The following IPO11 variants were observed in gnomAD, a reference collection of about 807,000 sequenced individuals.
IPO11 encodes the protein importin 11.
IPO11 carries 66 observed loss-of-function variants against 143.2 expected under a neutral mutation model. That is an observed-to-expected ratio of 0.46 (90% CI 0.38 to 0.57). The LOEUF (loss-of-function observed/expected upper bound fraction) is 0.57, where lower values mean the gene tolerates loss of function less well. Among genes scored for constraint, IPO11 ranks in the 20% least tolerant of loss-of-function variants. IPO11 has a pLI of 0.00. For synonymous variants in IPO11, 385 were observed against 377.8 expected, an observed-to-expected ratio of 1.02 and a Z score of -0.22; for missense variants, 1,026 against 1,141.0, an observed-to-expected ratio of 0.90 and a Z score of 1.45.
chr5:62,453,278 T>G (rs1241214806), intron 5 of IPO11, among the ~76,000 whole-genome samples: 1 of 151,248 alleles, frequency 6.6e-6, no homozygotes, highest in East Asian at 1.9e-4. Context: ...GCATGTGGTC[T>G]TAAGCAGCTT....
chr5:62,515,559 A>C, intron 20 of IPO11, 58 bp downstream of exon 20: 1 of 1,105,548 alleles, frequency 9.0e-7, no homozygotes, highest in African/African-American at 1.6e-5. Context: ...AATTCTTTTA[A>C]CCATTTAAAA....
chr5:62,499,594 G>A (rs962888912), intron 16 of IPO11, among the ~76,000 whole-genome samples: 3 of 16,776 alleles, frequency 1.8e-4, no homozygotes, highest in Non-Finnish European at 3.9e-4. Context: ...TTTTTTTTTT[G>A]AGACGGAGTC....
At chr5:62,573,034 T>C (rs1744194033) in intron 27 of IPO11, among the ~76,000 whole-genome samples, 1 of 152,010 alleles carries the variant, frequency 6.6e-6, no homozygotes, top group African/African-American at 2.4e-5. Flanking sequence ...GGTAGTATCT[T>C]CTTGGGGTGT....
intron 1 of IPO11, among the ~76,000 whole-genome samples, chr5:62,426,961 G>A (rs1218465560): frequency 9.3e-6 from 1 of 107,478 alleles, no homozygotes; most frequent in African/African-American, 3.3e-5. Context: ...TTTTGATACG[G>A]AGTTTTGCTC....
chr5:62,446,953 C>T (rs935047195), intron 3 of IPO11, among the ~76,000 whole-genome samples: 5 of 149,864 alleles, frequency 3.3e-5, no homozygotes, highest in African/African-American at 2.5e-5. Context: ...GGCAACAGAG[C>T]GAGACTCTGA....
At chr5:62,474,349 T>G in intron 7 of IPO11, 67 bp from the exon 8 acceptor site, 1 of 1,000,034 alleles carries the variant, frequency 1.0e-6, no homozygotes, top group Non-Finnish European at 1.5e-6. Flanking sequence ...TTGGTATCCC[T>G]GAAAAAGATA....
chr5:62,458,149 A>C (rs972927252), intron 5 of IPO11, among the ~76,000 whole-genome samples: 1 of 150,582 alleles, frequency 6.6e-6, no homozygotes, highest in Non-Finnish European at 1.5e-5. Context: ...TCTGTCTCAA[A>C]AAAAAAAAAA....
intron 9 of IPO11, among the ~76,000 whole-genome samples, chr5:62,479,103 C>A (rs1746083917): frequency 6.6e-6 from 1 of 152,142 alleles, no homozygotes; most frequent in Non-Finnish European, 1.5e-5. Flanking sequence ...CACCCCACGG[C>A]AGGCCCCGGT....
intron 24 of IPO11, among the ~76,000 whole-genome samples, chr5:62,547,245 T>G (rs1457258500): frequency 6.6e-6 from 1 of 152,284 alleles, no homozygotes; most frequent in East Asian, 1.9e-4. Flanking sequence ...GAAACTCATA[T>G]GTGTATATGA....
intron 14 of IPO11, 126 bp downstream of exon 14, chr5:62,489,475 TG>T (rs1746528867): frequency 6.9e-6 from 4 of 583,232 alleles, no homozygotes; most frequent in Non-Finnish European, 1.2e-5. Flanking sequence ...ACAATCTGAT[TG>T]GGGAGATAAC....
chr5:62,486,666 C>T (rs1161268074), intron 12 of IPO11, among the ~76,000 whole-genome samples: 1 of 152,102 alleles, frequency 6.6e-6, no homozygotes, highest in Admixed American at 6.6e-5. Flanking sequence ...TTTTTAGATT[C>T]ATAAACATAC....
Position 62,449,948 on chromosome 5 carries a change from A to G in IPO11, c.261A>G (p.Lys87=), listed in dbSNP as rs779068231. 1.3e-6 allele frequency: 2 copies of G among 1,589,722 alleles called. No homozygotes were observed. The highest frequency in any genetic ancestry group is 2.4e-5 in the South Asian group (2 of 85,008). ...VAPHALSEEE[K]TTLRAGLITN... is the part of the protein sequence containing the mutation. ...ACAGTGCTCTCTCAGAGGAGGAGAA[A>G]ACTACTCTGCGTGCAGGGCTCATCA... Residue 87 remains lysine (K), a synonymous_variant, in exon 4 of 30, where the codon AAA becomes AAG. Transcript: ENST00000325324.
chr5:62,454,249 T>A (rs1745045432), intron 5 of IPO11, among the ~76,000 whole-genome samples: 1 of 152,252 alleles, frequency 6.6e-6, no homozygotes, highest in Non-Finnish European at 1.5e-5. Flanking sequence ...TCACTTTTGC[T>A]TGATTTCTAG....
chr5:62,416,182 CTTTTTT>C (rs869236693), intron 1 of IPO11, among the ~76,000 whole-genome samples: 5 of 123,480 alleles, frequency 4.0e-5, no homozygotes, highest in Non-Finnish European at 8.3e-5. Context: ...TTTTTCTTTT[CTTTTTT>C]TTTTTTTTTT....
rs531165591 is a variant in IPO11 at position 62,467,858 on chromosome 5, A to G, written c.649+595A>G. ...TCCTAGGTTCCTTTTCTTCTAAAAT[A>G]TACTCATTTGTCTTATTCTCTTACT... On this transcript the variant is annotated intron_variant, in intron 6 of 29. Coordinates refer to ENST00000325324, the MANE Select transcript of IPO11 (RefSeq NM_016338.5). Among the ~76,000 whole-genome samples, 8 of 152,284 alleles carry G rather than the reference A, an allele frequency of 5.3e-5. No homozygotes were observed. In the South Asian group the frequency reaches 1.4e-3, roughly 28 times the overall value.
chr5:62,486,198 T>C (rs1317181513), intron 12 of IPO11, among the ~76,000 whole-genome samples: 1 of 152,068 alleles, frequency 6.6e-6, no homozygotes, highest in East Asian at 1.9e-4. Context: ...GCCAGGTTGG[T>C]CTCGATCTCC....
rs374963004 is a variant in IPO11, at chr5:62,485,431, C to T, written c.1187C>T (p.Thr396Ile). 11 of 1,609,524 alleles carry T rather than the reference C, an allele frequency of 6.8e-6. No homozygotes were observed. In the African/African-American group the frequency reaches 1.5e-4, roughly 22 times the overall value. Residue 396 changes from threonine (T) to isoleucine (I), a missense_variant, in exon 12 of 30, where the codon ACA (threonine) becomes ATA (isoleucine). Transcript: ENST00000325324. ...TTTTTAATTGCAGCAGTGGAAGAAA[C>T]AGGAGGAGATTCTTGGAAATATAGT... ...EDPEGFTVEE[T>I]GGDSWKYSLR...
intron 27 of IPO11, among the ~76,000 whole-genome samples, chr5:62,589,310 TACTTG>T (rs1237786304): frequency 5.3e-5 from 8 of 152,206 alleles, no homozygotes. Flanking sequence ...TTTATCTGAT[TACTTG>T]ACTTTTGGTG....
Position 62,530,793 on chromosome 5 carries a change from T to G in IPO11, c.2089+8T>G, listed in dbSNP as rs1330535769. The G allele has an allele frequency of 1.3e-6, 2 of 1,596,980 alleles. No homozygotes were observed. The highest frequency in any genetic ancestry group is 1.7e-6 in the Non-Finnish European group (2 of 1,165,178). ...ATATGTCACCACTTCTTGGTATGTG[T>G]TAAAGCATAAACTTACTAATGTTTT... On this transcript the variant is annotated splice_region_variant and intron_variant, in intron 22 of 29. Coordinates refer to ENST00000325324, the MANE Select transcript of IPO11 (RefSeq NM_016338.5).
Sources: gnomAD v4.1 joint callset for allele counts (sites outside exome capture counted in the v4.1 genomes callset) on GRCh38, gnomAD v4.1.1 for gene constraint, MANE v1.5 for transcripts, NCBI Gene and HGNC (gene_info 2026-07-23, HGNC 2026-07-21) for gene names.